Variants in LMF1 observed in about 807,000 individuals in gnomAD.
LMF1 encodes the protein lipase maturation factor 1.
Under a neutral mutation model 60.6 loss-of-function variants are expected in LMF1, and 68 were observed. The observed-to-expected ratio is 1.12, with a 90% CI of 0.92 to 1.37. The LOEUF is 1.37. Among genes scored for constraint, LMF1 ranks in the 40% most tolerant of loss-of-function variants. The pLI is 0.00. For missense variants in LMF1, 948 were observed against 767.2 expected, an observed-to-expected ratio of 1.24 and a Z score of -2.78; for synonymous variants, 418 against 324.7, an observed-to-expected ratio of 1.29 and a Z score of -3.09.
At position 878,825 on chromosome 16, in the gene LMF1, C is replaced by T. The variant is rs1388630953; in HGVS notation, c.897+745G>A. On this transcript the variant is annotated intron_variant, in intron 6 of 10. Transcript: ENST00000262301. The surrounding 1 kb of genome is among the most constrained non-coding windows in gnomAD (Gnocchi z 5.2). ...GTTTTCCAGAGCACGTGGAACGCCA[C>T]CTGGACCTGTGCATTTTCCTGGCTG... Among the ~76,000 whole-genome samples the T allele has an allele frequency of 6.6e-6, 1 of 152,154 alleles. No homozygotes were observed. The highest frequency in any genetic ancestry group is 1.5e-5 in the Non-Finnish European group (1 of 68,030).
chr16:954,268 C>T, intron 2 of LMF1, 89 bp downstream of exon 2: 1 of 1,295,746 alleles, frequency 7.7e-7, no homozygotes. Flanking sequence ...AAACGCTCGT[C>T]CAGTCTTTCC....
rs775106462 is a variant in LMF1, at chr16:910,892, C to G, written c.663+39G>C. 1.1e-5 allele frequency: 18 copies of G among 1,609,440 alleles called. No homozygotes were observed. In the East Asian group the frequency reaches 3.6e-4, roughly 32 times the overall value. Reference sequence around the variant, plus strand: ...AAGCCTCACAGGTTAGAAGAGCCACCGTTATTCCCCAAACACCACGCAGAA... The same window carrying G: ...AAGCCTCACAGGTTAGAAGAGCCACGGTTATTCCCCAAACACCACGCAGAA... On this transcript the variant is annotated intron_variant, in intron 4 of 10. Transcript: ENST00000262301.
intron 5 of LMF1, among the ~76,000 whole-genome samples, chr16:887,779 GCAGACAGTGACCT>G (rs1366027207): frequency 6.6e-6 from 1 of 152,008 alleles, no homozygotes; most frequent in African/African-American, 2.4e-5. Context: ...GAGTCAGGGT[GCAGACAGTGACCT>G]CAGGCAGGGG....
At chr16:869,732 G>A (rs1014154889) in intron 9 of LMF1, 151 bp downstream of exon 9, 13 of 836,442 alleles carry the variant, frequency 1.6e-5, no homozygotes, top group Admixed American at 2.3e-5. Flanking sequence ...GATGTCGTGT[G>A]GGCTCAGTTC....
chr16:879,062 CTG>C (rs1348972000), intron 6 of LMF1, among the ~76,000 whole-genome samples: 3 of 151,830 alleles, frequency 2.0e-5, no homozygotes, highest in Non-Finnish European at 4.4e-5. Context: ...ATGGCGGTGA[CTG>C]TGGGCAGGAC....
At position 874,039 on chromosome 16, in the gene LMF1, C is replaced by T. The variant is rs534259523; in HGVS notation, c.898-2698G>A. On this transcript the variant is annotated intron_variant, in intron 6 of 10. Transcript: ENST00000262301. This position sits in a 1 kb window ranked among gnomAD's most constrained non-coding sequence, Gnocchi z 4.1. ...CTCCCAGTGGCTGGTGGAGGCCCGG[C>T]GGCGGGTGTGAGGGTCTCCTTTGCC... Among the ~76,000 whole-genome samples, 18 of 152,242 alleles carry T rather than the reference C, an allele frequency of 1.2e-4. No homozygotes were observed. The highest frequency in any genetic ancestry group is 8.5e-4 in the Admixed American group (13 of 15,296).
chr16:959,168 A>G (rs1020063076), intron 1 of LMF1, among the ~76,000 whole-genome samples: 1 of 152,254 alleles, frequency 6.6e-6, no homozygotes, highest in African/African-American at 2.4e-5. Context: ...GAAACAAGGA[A>G]GACATCCTTC....
intron 2 of LMF1, chr16:947,553 C>G (rs1188893113): frequency 2.2e-6 from 1 of 455,956 alleles, no homozygotes; most frequent in South Asian, 1.5e-5. Flanking sequence ...TCCGTCCTGC[C>G]CAGGAAGGAA....
chr16:906,614 A>T (rs567495818), intron 4 of LMF1, among the ~76,000 whole-genome samples: 1 of 152,166 alleles, frequency 6.6e-6, no homozygotes, highest in East Asian at 1.9e-4. Context: ...TTAATACTCA[A>T]TAAACCCCTT....
chr16:915,088 T>C (rs532299352), intron 3 of LMF1, among the ~76,000 whole-genome samples: 1 of 152,278 alleles, frequency 6.6e-6, no homozygotes, highest in South Asian at 2.1e-4. Flanking sequence ...GCTTCCTAGA[T>C]GGCAGGGTCC....
chr16:866,916 C>T (rs996811082), intron 10 of LMF1, among the ~76,000 whole-genome samples: 4 of 152,218 alleles, frequency 2.6e-5, no homozygotes, highest in Admixed American at 6.5e-5. Flanking sequence ...GGCTCCGTCC[C>T]GAGGGCCCTG....
At chr16:938,400 C>T (rs969520944) in intron 2 of LMF1, among the ~76,000 whole-genome samples, 5 of 150,584 alleles carry the variant, frequency 3.3e-5, no homozygotes, top group South Asian at 2.1e-4. Flanking sequence ...GACGGCGGCT[C>T]GCGGGGACAG....
chr16:978,367 G>GCACA (rs2073238112), intron 1 of LMF1, among the ~76,000 whole-genome samples: 2 of 130,270 alleles, frequency 1.5e-5, no homozygotes, highest in Middle Eastern at 3.6e-3. Flanking sequence ...ACACACACAT[G>GCACA]AACACACGCG....
chr16:855,224 GGCGGA>G (rs2069153345), intron 10 of LMF1: 1 of 238,866 alleles, frequency 4.2e-6, no homozygotes, highest in Non-Finnish European at 8.4e-6. Context: ...GTTTCCTGAG[GGCGGA>G]GCCTCTGCTT....
intron 3 of LMF1, among the ~76,000 whole-genome samples, chr16:926,607 C>T (rs904743740): frequency 6.6e-6 from 1 of 152,248 alleles, no homozygotes; most frequent in Non-Finnish European, 1.5e-5. Context: ...AAAGACTACC[C>T]TCAAAACAAG....
chr16:862,949 G>T (rs2069507654), intron 10 of LMF1, among the ~76,000 whole-genome samples: 1 of 152,164 alleles, frequency 6.6e-6, no homozygotes, highest in Non-Finnish European at 1.5e-5. Flanking sequence ...ATTCTCCAGT[G>T]AAACCATCTG....
At chr16:882,209 C>T (rs1385079847) in intron 5 of LMF1, among the ~76,000 whole-genome samples, 1 of 152,224 alleles carries the variant, frequency 6.6e-6, no homozygotes, top group Non-Finnish European at 1.5e-5. Flanking sequence ...ATGTAACAGA[C>T]ATGGGGCTGA....
chr16:923,429 C>G (rs2071500077), intron 3 of LMF1, among the ~76,000 whole-genome samples: 1 of 152,132 alleles, frequency 6.6e-6, no homozygotes, highest in Non-Finnish European at 1.5e-5. Context: ...ACCCCAGCAC[C>G]CACGTCTTGG....
chr16:952,423 A>G (rs1340966441), intron 2 of LMF1, among the ~76,000 whole-genome samples: 3 of 152,036 alleles, frequency 2.0e-5, no homozygotes, highest in Non-Finnish European at 2.9e-5. Context: ...ACCAGGGAAC[A>G]CCGGAGCCAC....
Sources: allele counts gnomAD v4.1 joint callset (sites outside exome capture counted in the v4.1 genomes callset), GRCh38; gene constraint gnomAD v4.1.1; non-coding constraint Gnocchi (gnomAD v3.1); transcripts MANE v1.5; gene names NCBI Gene and HGNC (gene_info 2026-07-23, HGNC 2026-07-21).